Variants in CA2 observed in about 807,000 individuals in gnomAD.
CA2 encodes the protein carbonate dehydratase II.
A neutral mutation model predicts 27.8 loss-of-function variants in CA2; 23 were observed. The observed-to-expected ratio is 0.83, with a 90% confidence interval of 0.59 to 1.17. CA2 has a LOEUF of 1.17. Ranked by LOEUF, CA2 falls within the 50% of genes most tolerant of loss-of-function variation. CA2 has a pLI of 0.00. For synonymous variants in CA2, 99 were observed against 114.9 expected (o/e 0.86, Z 0.88); for missense variants, 300 against 314.7 (o/e 0.95, Z 0.35).
intron 2 of CA2, among the ~76,000 whole-genome samples, chr8:85,467,977 C>T: frequency 6.6e-6 from 1 of 152,196 alleles, no homozygotes; most frequent in Admixed American, 6.5e-5. Flanking sequence ...ATCATGAAAG[C>T]AGGGTGGAGG....
rs1811656035 is a variant in CA2, at chr8:85,468,097, T to C, written c.232+2628T>C. ...TTTGATAAGTGCAGAAAGGAAGTAC[T>C]CCAAGGAACTATGGAAACGTGAAGG... On this transcript the variant is annotated intron_variant, in intron 2 of 6. Coordinates refer to ENST00000285379, the MANE Select transcript of CA2 (RefSeq NM_000067.3). Among the ~76,000 whole-genome samples the C allele has an allele frequency of 2.0e-5, 3 of 152,268 alleles. No individual in the cohort carries two copies. In the South Asian group the frequency reaches 6.2e-4, roughly 32 times the overall value.
intron 2 of CA2, among the ~76,000 whole-genome samples, chr8:85,472,170 G>C (rs185939347): frequency 6.6e-6 from 1 of 152,220 alleles, no homozygotes; most frequent in African/African-American, 2.4e-5. Flanking sequence ...AACAAATCTT[G>C]TTGTACAGAA....
chr8:85,475,537 G>C (rs1472503488), intron 4 of CA2, among the ~76,000 whole-genome samples: 1 of 152,296 alleles, frequency 6.6e-6, no homozygotes, highest in East Asian at 1.9e-4. Flanking sequence ...TCCTTTGGCA[G>C]TTAGAGGTCA....
intron 2 of CA2, among the ~76,000 whole-genome samples, chr8:85,466,763 G>T (rs1811637933): frequency 6.6e-6 from 1 of 151,972 alleles, no homozygotes; most frequent in Non-Finnish European, 1.5e-5. Context: ...ATCAAGTAAA[G>T]GTTGTACATT....
chr8:85,464,073 A>T lies in CA2; in HGVS notation c.-9A>T. On this transcript the variant is annotated 5_prime_UTR_variant, in exon 1 of 7. Coordinates refer to ENST00000285379, the MANE Select transcript of CA2 (RefSeq NM_000067.3). ...CGATTCCTGCCCTGCCCCGACCGCC[A>T]GCGCGACCATGTCCCATCACTGGGG... 1.3e-6 allele frequency: 2 copies of T among 1,548,346 alleles called. No individual in the cohort carries two copies. Among genetic ancestry groups the T allele is most frequent in the African/African-American group, 2.7e-5 (2 of 72,730 alleles).
chr8:85,478,553 A>G (rs1811841170), intron 6 of CA2, among the ~76,000 whole-genome samples: 1 of 152,238 alleles, frequency 6.6e-6, no homozygotes, highest in Admixed American at 6.5e-5. Context: ...ATTATAACAA[A>G]TGGATTTATG....
intron 1 of CA2, chr8:85,464,552 C>A (rs563304035): frequency 6.4e-6 from 1 of 156,962 alleles, no homozygotes; most frequent in African/African-American, 2.5e-5. Flanking sequence ...ACCTTCCACC[C>A]CCACCCCACC....
In CA2 at chr8:85,473,021, T is replaced by G. The variant is rs570970144; in HGVS notation, c.233-672T>G. ...AATAATAATAATAATAATAAATAAA[T>G]AAATAAATAAATAAATAATAAAAAA... On this transcript the variant is annotated intron_variant, in intron 2 of 6. Coordinates refer to ENST00000285379, the MANE Select transcript of CA2 (RefSeq NM_000067.3). 7.0e-5 allele frequency among the ~76,000 whole-genome samples: 10 copies of G among 142,392 alleles called. No individual in the cohort carries two copies. In the South Asian group the frequency reaches 2.1e-3, roughly 30 times the overall value. 93.4% of individuals were successfully genotyped at this position (142,392 alleles called of 152,430 possible). A position where few individuals can be genotyped will look rare whatever the true frequency, so the allele number is the denominator to read the frequency against.
At chr8:85,467,615 A>T (rs1246659076) in intron 2 of CA2, among the ~76,000 whole-genome samples, 1 of 152,132 alleles carries the variant, frequency 6.6e-6, no homozygotes, top group East Asian at 1.9e-4. Context: ...TGTATTTTAA[A>T]TTTTTATTTT....
intron 2 of CA2, among the ~76,000 whole-genome samples, chr8:85,469,349 A>G (rs956418303): frequency 2.0e-5 from 3 of 152,162 alleles, no homozygotes; most frequent in African/African-American, 4.8e-5. Context: ...CTTATATCCA[A>G]ACTTAAGAAC....
At chr8:85,473,981 A>C in intron 3 of CA2, 170 bp downstream of exon 3, 1 of 628,922 alleles carries the variant, frequency 1.6e-6, no homozygotes. Context: ...CATCATACTT[A>C]ACGCTGCAAA....
Position 85,477,294 on chromosome 8 carries a change from G to A in CA2, c.663+19G>A, listed in dbSNP as rs751249836. The stretch of plus-strand genomic sequence containing the variant: ...CGAGCAGGTTTGTTTTGTAATGACA[G>A]GTCTGTTTACGGGTGGAGCATTTAG... On this transcript the variant is annotated intron_variant, in intron 6 of 6. Coordinates refer to ENST00000285379, the MANE Select transcript of CA2 (RefSeq NM_000067.3). 2 of 1,613,960 alleles carry A rather than the reference G, an allele frequency of 1.2e-6. No homozygotes were observed. Among genetic ancestry groups the A allele is most frequent in the South Asian group, 1.1e-5 (1 of 91,064 alleles).
chr8:85,465,770 G>C (rs925889749), intron 2 of CA2, among the ~76,000 whole-genome samples: 1 of 152,192 alleles, frequency 6.6e-6, no homozygotes, highest in Non-Finnish European at 1.5e-5. Context: ...ATAAAGATCA[G>C]TCACGATGAG....
rs369557332 is a variant in CA2, at chr8:85,474,316, G to T, written c.352-8G>T. 1 of 1,609,846 alleles carries T rather than the reference G, an allele frequency of 6.2e-7. No individual in the cohort carries two copies. The highest frequency in any genetic ancestry group is 1.3e-5 in the African/African-American group (1 of 74,752). On this transcript the variant is annotated splice_region_variant and splice_polypyrimidine_tract_variant and intron_variant, in intron 3 of 6. Coordinates refer to ENST00000285379, the MANE Select transcript of CA2 (RefSeq NM_000067.3). Reference sequence around the variant, plus strand: ...TCACTCACTGTGGCTTTGTCTCTTCGGCCTTAGCTTCACTTGGTTCACTGG... The same window carrying T: ...TCACTCACTGTGGCTTTGTCTCTTCTGCCTTAGCTTCACTTGGTTCACTGG...
At chr8:85,464,237 G>C (rs947357194) in intron 1 of CA2, 122 bp downstream of exon 1, 1 of 919,360 alleles carries the variant, frequency 1.1e-6, no homozygotes, top group Non-Finnish European at 1.6e-6. Flanking sequence ...CCGCGGCCGC[G>C]GGGAGTGCTG....
chr8:85,467,567 T>A (rs1811648311), intron 2 of CA2, among the ~76,000 whole-genome samples: 1 of 152,264 alleles, frequency 6.6e-6, no homozygotes, highest in South Asian at 2.1e-4. Context: ...GAATAAACTT[T>A]TTCTTTAACA....
intron 2 of CA2, among the ~76,000 whole-genome samples, chr8:85,466,616 GT>G (rs1811634612): frequency 6.6e-6 from 1 of 151,794 alleles, no homozygotes; most frequent in Admixed American, 6.6e-5. Flanking sequence ...TCTGAGAAAT[GT>G]TTTCAACCTA....
In CA2 at chr8:85,480,842, G is replaced by A; in HGVS notation, c.*53G>A. Reference sequence around the variant, plus strand: ...ATGAATCTTCGGGTGTTTCCCTTTAGCTAAGCACAGATCTACCTTGGTGAT... The same window carrying A: ...ATGAATCTTCGGGTGTTTCCCTTTAACTAAGCACAGATCTACCTTGGTGAT... On this transcript the variant is annotated 3_prime_UTR_variant, in exon 7 of 7. Transcript: ENST00000285379. The A allele has an allele frequency of 6.3e-7, 1 of 1,598,076 alleles. No individual in the cohort carries two copies. The highest frequency in any genetic ancestry group is 1.7e-4 in the Middle Eastern group (1 of 6,028).
At chr8:85,476,609 A>G (rs1428625123) in intron 5 of CA2, among the ~76,000 whole-genome samples, 3 of 152,146 alleles carry the variant, frequency 2.0e-5, no homozygotes, top group Non-Finnish European at 4.4e-5. Context: ...TTCTCATATG[A>G]TATAGTTTTC....
Sources: gnomAD v4.1 joint callset for allele counts (sites outside exome capture counted in the v4.1 genomes callset) on GRCh38, gnomAD v4.1.1 for gene constraint, MANE v1.5 for transcripts, NCBI Gene and HGNC (gene_info 2026-07-23, HGNC 2026-07-21) for gene names.